The following KHDRBS2 variants were observed in gnomAD, a reference collection of about 807,000 sequenced individuals.
KHDRBS2 encodes KH domain-containing, RNA-binding, signal transduction-associated protein 2.
In KHDRBS2, 26 loss-of-function variants were observed where a neutral mutation model predicts 44.3. The ratio of observed to expected loss-of-function variants is 0.59; its 90% confidence interval spans 0.43 to 0.81. KHDRBS2 has a LOEUF of 0.81. KHDRBS2 is among the 40% of genes least tolerant of loss of function. KHDRBS2 has a pLI of 0.00. For synonymous variants in KHDRBS2, 194 were observed against 151.1 expected (o/e 1.28, Z -2.08); for missense variants, 476 against 433.1 (o/e 1.10, Z -0.88).
At chr6:62,050,995 A>T (rs559439878) in intron 2 of KHDRBS2, among the ~76,000 whole-genome samples, 39 of 152,172 alleles carry the variant, frequency 2.6e-4, no homozygotes, top group Admixed American at 1.6e-3. Flanking sequence ...GACATTTGAG[A>T]AGCCAGATAT....
chr6:61,644,726 T>G, the KHDRBS2 span, among the ~76,000 whole-genome samples: 1 of 152,272 alleles, frequency 6.6e-6, no homozygotes, highest in Admixed American at 6.5e-5. Context: ...TCACTAATCA[T>G]TAGAGAAGTG....
In KHDRBS2 at chr6:61,856,482, T is replaced by C. The variant is rs551835653; in HGVS notation, c.810+38153A>G. On this transcript the variant is annotated intron_variant, in intron 6 of 8. Coordinates refer to ENST00000281156, the MANE Select transcript of KHDRBS2 (RefSeq NM_152688.4). ...AAACTGTTTAAATGTCTCCTGTTTT[T>C]ACTTTACTTGAAAATAGAAGAAAAC... Among the ~76,000 whole-genome samples, 5 of 152,234 alleles carry C rather than the reference T, an allele frequency of 3.3e-5. No homozygotes were observed. The South Asian group carries it at 1.0e-3, about 32-fold the overall frequency.
chr6:62,265,684 C>A (rs1839090712), intron 1 of KHDRBS2, among the ~76,000 whole-genome samples: 1 of 151,918 alleles, frequency 6.6e-6, no homozygotes. Flanking sequence ...AAATTCTTTT[C>A]TTATTTTCTT....
chr6:62,125,447 T>A (rs1808736948), intron 2 of KHDRBS2, among the ~76,000 whole-genome samples: 1 of 152,100 alleles, frequency 6.6e-6, no homozygotes, highest in Non-Finnish European at 1.5e-5. Flanking sequence ...TCTGGGCAAG[T>A]CTTGATGCTA....
chr6:62,038,225 G>A (rs1785712765), intron 3 of KHDRBS2, among the ~76,000 whole-genome samples: 1 of 151,814 alleles, frequency 6.6e-6, no homozygotes, highest in Non-Finnish European at 1.5e-5. Context: ...ATTTTCCTCA[G>A]TGTTTTTGAC....
the KHDRBS2 span, among the ~76,000 whole-genome samples, chr6:61,644,100 A>G: frequency 6.6e-6 from 1 of 152,172 alleles, no homozygotes; most frequent in African/African-American, 2.4e-5. Flanking sequence ...CTGGTATGAA[A>G]GCAGACACAT....
At chr6:62,006,918 A>T (rs1408986982) in intron 3 of KHDRBS2, among the ~76,000 whole-genome samples, 1 of 152,044 alleles carries the variant, frequency 6.6e-6, no homozygotes. Context: ...AATTTTTTTT[A>T]AATTCAGCTT....
chr6:61,886,925 C>A (rs1446448197), intron 6 of KHDRBS2, among the ~76,000 whole-genome samples: 1 of 152,048 alleles, frequency 6.6e-6, no homozygotes, highest in East Asian at 1.9e-4. Context: ...GGTCTTCATG[C>A]AGGTATAAAT....
At chr6:61,646,929 C>T in the KHDRBS2 span, among the ~76,000 whole-genome samples, 6 of 151,990 alleles carry the variant, frequency 3.9e-5, no homozygotes, top group African/African-American at 1.5e-4. Context: ...AAGTAATTCT[C>T]CCTTCTCAGC....
chr6:62,213,873 CAAAAAAAAAAAAAAAAAAA>C (rs67482871), intron 1 of KHDRBS2, among the ~76,000 whole-genome samples: 1 of 41,486 alleles, frequency 2.4e-5, no homozygotes, highest in Non-Finnish European at 4.1e-5. Context: ...GACTCCATCT[CAAAAAAAAAAAAAAAAAAA>C]AAAAAAAAAA....
At chr6:61,724,642 A>G (rs745314629) in intron 7 of KHDRBS2, among the ~76,000 whole-genome samples, 2 of 152,166 alleles carry the variant, frequency 1.3e-5, no homozygotes, top group Non-Finnish European at 2.9e-5. Context: ...GGAAAACGAA[A>G]AAGCAGGGGT....
intron 2 of KHDRBS2, among the ~76,000 whole-genome samples, chr6:62,112,446 G>A (rs965459548): frequency 3.3e-5 from 5 of 152,026 alleles, no homozygotes; most frequent in Admixed American, 1.3e-4. Flanking sequence ...AACAAGACTA[G>A]ATGAAACCCT....
At chr6:61,613,183 T>C in the KHDRBS2 span, among the ~76,000 whole-genome samples, 6 of 152,076 alleles carry the variant, frequency 3.9e-5, no homozygotes, top group East Asian at 9.7e-4. Flanking sequence ...TTGTTTATTG[T>C]TTCTTTTTAC....
intron 6 of KHDRBS2, among the ~76,000 whole-genome samples, chr6:61,890,079 G>A (rs1801589440): frequency 6.6e-6 from 1 of 151,976 alleles, no homozygotes; most frequent in Non-Finnish European, 1.5e-5. Context: ...TTATTCATTT[G>A]TTTACATATG....
At chr6:62,241,425 A>C (rs1267100608) in intron 1 of KHDRBS2, among the ~76,000 whole-genome samples, 1 of 152,250 alleles carries the variant, frequency 6.6e-6, no homozygotes, top group South Asian at 2.1e-4. Context: ...TAAATAGTTC[A>C]TTTAAATAGA....
intron 2 of KHDRBS2, among the ~76,000 whole-genome samples, chr6:62,062,247 G>C (rs1040671535): frequency 2.0e-5 from 3 of 148,504 alleles, no homozygotes; most frequent in African/African-American, 7.5e-5. Context: ...AGGATACCCA[G>C]GAATTGAACT....
chr6:62,038,291 GT>G (rs1785729719), intron 3 of KHDRBS2, among the ~76,000 whole-genome samples: 1 of 150,866 alleles, frequency 6.6e-6, no homozygotes, highest in Non-Finnish European at 1.5e-5. Context: ...ACTCTGCGGT[GT>G]TGTTATTCAT....
chr6:61,569,467 G>T, the KHDRBS2 span, among the ~76,000 whole-genome samples: 1 of 152,160 alleles, frequency 6.6e-6, no homozygotes, highest in Admixed American at 6.5e-5. Flanking sequence ...CCTCCTGGCT[G>T]GAGGCCAGTC....
chr6:61,579,277 T>G, the KHDRBS2 span, among the ~76,000 whole-genome samples: 2 of 152,174 alleles, frequency 1.3e-5, no homozygotes. Flanking sequence ...CTATTTGGAC[T>G]CCGTGTCTGG....
Sources: gnomAD v4.1 joint callset for allele counts (sites outside exome capture counted in the v4.1 genomes callset) on GRCh38, gnomAD v4.1.1 for gene constraint, MANE v1.5 for transcripts, NCBI Gene and HGNC (gene_info 2026-07-23, HGNC 2026-07-21) for gene names.